The following JAZF1 variants were observed in gnomAD, a reference collection of about 807,000 sequenced individuals.
JAZF1 encodes the protein juxtaposed with another zinc finger protein 1.
JAZF1 carries 8 observed loss-of-function variants against 26.4 expected under a neutral mutation model. That is an observed-to-expected ratio of 0.30 (90% CI 0.18 to 0.55). JAZF1 has a LOEUF of 0.55. JAZF1 is among the 20% of genes least tolerant of loss of function. The pLI is 0.94. For synonymous variants in JAZF1, 126 were observed against 122.3 expected (o/e 1.03, Z -0.20); for missense variants, 199 against 322.0 (o/e 0.62, Z 2.92).
intron 1 of JAZF1, among the ~76,000 whole-genome samples, chr7:28,071,858 T>C (rs922526074): frequency 2.0e-5 from 3 of 152,228 alleles, no homozygotes; most frequent in Non-Finnish European, 4.4e-5. Context: ...ATTCCATGTT[T>C]AACAAGTTCT....
chr7:27,898,491 G>C (rs904545008), intron 2 of JAZF1, among the ~76,000 whole-genome samples: 2 of 151,808 alleles, frequency 1.3e-5, no homozygotes, highest in African/African-American at 2.4e-5. Context: ...TTTTAGTAGA[G>C]ACAAGGTTTC....
rs150213253 is a variant in JAZF1, at chr7:27,954,014, G to A, written c.188+37895C>T. ...CAACCTCTTCCCACCCTGGTGTCCT[G>A]CCATGCCCCACCCTGCGGTGAGCTC... is the stretch of plus-strand genomic sequence containing the variant. On this transcript the variant is annotated intron_variant, in intron 2 of 4. Coordinates refer to ENST00000283928, the MANE Select transcript of JAZF1 (RefSeq NM_175061.4). Among the ~76,000 whole-genome samples, 1,255 of 152,248 alleles carry A rather than the reference G, an allele frequency of 8.2e-3. 11 individuals carry two copies. Among genetic ancestry groups the A allele is most frequent in the Non-Finnish European group, 0.013 (896 of 68,006 alleles).
At chr7:27,925,456 T>G (rs1784590561) in intron 2 of JAZF1, among the ~76,000 whole-genome samples, 1 of 152,212 alleles carries the variant, frequency 6.6e-6, no homozygotes, top group Non-Finnish European at 1.5e-5. Flanking sequence ...CAGGGTCTCG[T>G]CCTGTTGCCC....
intron 2 of JAZF1, among the ~76,000 whole-genome samples, chr7:27,966,686 T>C (rs1785281423): frequency 6.6e-6 from 1 of 152,214 alleles, no homozygotes; most frequent in East Asian, 1.9e-4. Context: ...ATTTCTCTGG[T>C]GGAAAAGGCA....
At chr7:27,935,164 C>T (rs1413439258) in intron 2 of JAZF1, among the ~76,000 whole-genome samples, 1 of 152,084 alleles carries the variant, frequency 6.6e-6, no homozygotes, top group African/African-American at 2.4e-5. Context: ...CACTTCACAC[C>T]TGCTGGAATG....
chr7:28,122,521 C>T (rs1482023967), intron 1 of JAZF1, among the ~76,000 whole-genome samples: 1 of 152,134 alleles, frequency 6.6e-6, no homozygotes, highest in Non-Finnish European at 1.5e-5. Flanking sequence ...TAGGGTGAGG[C>T]TGGGGCACCA....
chr7:28,082,047 A>G (rs1330938100), intron 1 of JAZF1, among the ~76,000 whole-genome samples: 2 of 152,214 alleles, frequency 1.3e-5, no homozygotes, highest in East Asian at 3.9e-4. Context: ...TGCGATAACA[A>G]TAAGTTTATT....
chr7:27,908,741 T>C (rs1317713120), intron 2 of JAZF1, among the ~76,000 whole-genome samples: 5 of 152,230 alleles, frequency 3.3e-5, no homozygotes, highest in African/African-American at 1.2e-4. Context: ...ATGCACTTTT[T>C]GTTCTGTTTC....
At chr7:28,167,758 G>A (rs1248135834) in intron 1 of JAZF1, among the ~76,000 whole-genome samples, 1 of 152,076 alleles carries the variant, frequency 6.6e-6, no homozygotes, top group Non-Finnish European at 1.5e-5. Context: ...TAGGATTAAG[G>A]CTTATCATTT....
At chr7:27,994,587 C>T (rs1785976922) in intron 1 of JAZF1, among the ~76,000 whole-genome samples, 1 of 152,154 alleles carries the variant, frequency 6.6e-6, no homozygotes, top group South Asian at 2.1e-4. Flanking sequence ...CACCAGGTCC[C>T]CAAATCTCCT....
chr7:28,094,426 C>A (rs1412729275), intron 1 of JAZF1, among the ~76,000 whole-genome samples: 1 of 152,222 alleles, frequency 6.6e-6, no homozygotes, highest in Non-Finnish European at 1.5e-5. Context: ...GGCACCGAGT[C>A]TCCAGGGCTG....
chr7:28,180,411 G>A (rs1783625648), intron 1 of JAZF1, 52 bp downstream of exon 1: 9 of 1,208,048 alleles, frequency 7.5e-6, no homozygotes, highest in Non-Finnish European at 8.0e-6. Flanking sequence ...CTCCCCGCCC[G>A]GGCAGGAGTT....
At chr7:27,933,661 G>A (rs1425658954) in intron 2 of JAZF1, among the ~76,000 whole-genome samples, 1 of 152,138 alleles carries the variant, frequency 6.6e-6, no homozygotes, top group African/African-American at 2.4e-5. Context: ...TGGATATACT[G>A]TATTTTTGCA....
At chr7:28,121,844 C>G (rs1430777137) in intron 1 of JAZF1, among the ~76,000 whole-genome samples, 1 of 152,336 alleles carries the variant, frequency 6.6e-6, no homozygotes, top group Admixed American at 6.5e-5. Context: ...TCTGCACCCG[C>G]AGTTTATAAT....
At chr7:27,916,740 T>C (rs1030137504) in intron 2 of JAZF1, among the ~76,000 whole-genome samples, 1 of 152,166 alleles carries the variant, frequency 6.6e-6, no homozygotes, top group African/African-American at 2.4e-5. Context: ...GAAAAGGACA[T>C]GCATATAATA....
intron 2 of JAZF1, among the ~76,000 whole-genome samples, chr7:27,982,679 T>A (rs1785610314): frequency 6.6e-6 from 1 of 152,116 alleles, no homozygotes; most frequent in Non-Finnish European, 1.5e-5. Context: ...CCCCCGAGTA[T>A]CCTAACTGGG....
chr7:27,908,402 C>T (rs1784300304), intron 2 of JAZF1, among the ~76,000 whole-genome samples: 1 of 152,206 alleles, frequency 6.6e-6, no homozygotes, highest in Non-Finnish European at 1.5e-5. Context: ...ATGTGGGCAT[C>T]TCAAGCTTAC....
chr7:28,135,373 G>A (rs913010370), intron 1 of JAZF1, among the ~76,000 whole-genome samples: 5 of 152,236 alleles, frequency 3.3e-5, no homozygotes, highest in Non-Finnish European at 7.4e-5. Flanking sequence ...TAAATATATT[G>A]TTTAATATGT....
In JAZF1 at chr7:27,960,362, G is replaced by A. The variant is rs949880575; in HGVS notation, c.188+31547C>T. On this transcript the variant is annotated intron_variant, in intron 2 of 4. Transcript: ENST00000283928. The stretch of plus-strand genomic sequence containing the variant: ...ATATCTTTCTTGCCAAGGGCACTAC[G>A]TTTATCTTGTGTGCACAATTTCTTT... Among the ~76,000 whole-genome samples the A allele has an allele frequency of 5.3e-5, 8 of 152,338 alleles. No homozygotes were observed. In the East Asian group the frequency reaches 9.6e-4, roughly 18 times the overall value.
Sources: gnomAD v4.1 joint callset for allele counts (sites outside exome capture counted in the v4.1 genomes callset) on GRCh38, gnomAD v4.1.1 for gene constraint, MANE v1.5 for transcripts, NCBI Gene and HGNC (gene_info 2026-07-23, HGNC 2026-07-21) for gene names.